APP: variants seen among roughly 807,000 people sequenced by gnomAD.
The protein encoded by APP is amyloid-beta precursor protein.
In APP, 31 loss-of-function variants were observed where a neutral mutation model predicts 101.4. The observed-to-expected ratio is 0.31, with a 90% CI of 0.23 to 0.41. The LOEUF (loss-of-function observed/expected upper bound fraction) is 0.41, where lower values mean the gene tolerates loss of function less well. Among genes scored for constraint, APP ranks in the 10% least tolerant of loss-of-function variants. APP has a pLI of 1.00. For missense variants in APP, 839 were observed against 1,003.7 expected (o/e 0.84, Z 2.22); for synonymous variants, 366 against 364.4 (o/e 1.00, Z -0.05).
rs199675506 is a variant in APP at position 25,955,780 on chromosome 21, T to C, written c.1459-25A>G. ...GCTGTGGGAGGAAAATGAAAAACTC[T>C]TTTTCAAGTTTGTGCAAAACACTGC... On this transcript the variant is annotated intron_variant, in intron 11 of 17. Coordinates refer to ENST00000346798, the MANE Select transcript of APP (RefSeq NM_000484.4). 1.3e-5 allele frequency: 21 copies of C among 1,613,934 alleles called. No individual in the cohort carries two copies. In the African/African-American group the frequency reaches 2.1e-4, roughly 16 times the overall value.
At chr21:25,885,716 C>A (rs1468204222) in intron 17 of APP, among the ~76,000 whole-genome samples, 2 of 152,166 alleles carry the variant, frequency 1.3e-5, no homozygotes, top group Admixed American at 6.5e-5. Flanking sequence ...CCCAAATAGC[C>A]TGACCAGCCT....
At chr21:26,101,077 G>C (rs936587029) in intron 2 of APP, among the ~76,000 whole-genome samples, 1 of 140,236 alleles carries the variant, frequency 7.1e-6, no homozygotes, top group Admixed American at 7.1e-5. Flanking sequence ...CCTGTTTCAA[G>C]TTATCTCTTT....
At chr21:26,038,004 A>G (rs1017214566) in intron 5 of APP, among the ~76,000 whole-genome samples, 3 of 152,194 alleles carry the variant, frequency 2.0e-5, no homozygotes, top group African/African-American at 7.2e-5. Flanking sequence ...AGATCCTAAA[A>G]AAGTATAGAA....
rs755596937 is a variant in APP, at chr21:25,911,835, C to T, written c.1815G>A (p.Glu605=). Residue 605 remains glutamate (E), a synonymous_variant, in exon 14 of 18, where the codon GAG becomes GAA. Transcript: ENST00000346798. The stretch of plus-strand genomic sequence containing the variant: ...TGAACTCTCCATTCACGGGAAGGAG[C>T]TCCACGGTGGTTTTCGTTTCGGTCA... ...PSLTETKTTV[E]LLPVNGEFSL... is the part of the protein sequence containing the mutation. 1.1e-5 allele frequency: 17 copies of T among 1,614,070 alleles called. No homozygotes were observed. The highest frequency in any genetic ancestry group is 1.6e-4 in the Middle Eastern group (1 of 6,084).
chr21:25,985,353 C>A (rs766754826), intron 8 of APP, among the ~76,000 whole-genome samples: 1 of 152,096 alleles, frequency 6.6e-6, no homozygotes. Context: ...AGATTAGCAT[C>A]GGAATTGGTG....
chr21:25,902,302 C>A (rs868262090), intron 15 of APP, among the ~76,000 whole-genome samples: 1 of 152,144 alleles, frequency 6.6e-6, no homozygotes, highest in South Asian at 2.1e-4. Flanking sequence ...AGATATAATT[C>A]GGCACATTAG....
At chr21:26,038,121 T>C (rs1436101982) in intron 5 of APP, among the ~76,000 whole-genome samples, 2 of 152,164 alleles carry the variant, frequency 1.3e-5, no homozygotes, top group East Asian at 3.9e-4. Flanking sequence ...AGCAGTTTTC[T>C]AATCATGAGA....
rs201791126 is a variant in APP, at chr21:26,089,927, C to G, written c.355+16G>C. ...AGGCCCCCAATCAACACCAGCCCCACGGCCGGCCGGCTCACCTAAGCAGCG... is the reference window on the plus strand; with the variant it reads ...AGGCCCCCAATCAACACCAGCCCCAGGGCCGGCCGGCTCACCTAAGCAGCG... On this transcript the variant is annotated intron_variant, in intron 3 of 17. Coordinates refer to ENST00000346798, the MANE Select transcript of APP (RefSeq NM_000484.4). 6.2e-7 allele frequency: 1 copy of G among 1,613,736 alleles called. No homozygotes were observed. Among genetic ancestry groups the G allele is most frequent in the East Asian group, 2.2e-5 (1 of 44,848 alleles).
At chr21:25,952,716 G>A (rs2041142983) in intron 13 of APP, among the ~76,000 whole-genome samples, 1 of 151,522 alleles carries the variant, frequency 6.6e-6, no homozygotes, top group Admixed American at 6.6e-5. Context: ...GAAGTCACAT[G>A]TGAAAACAGG....
chr21:26,087,358 C>G (rs2830048), intron 3 of APP, among the ~76,000 whole-genome samples: 65,720 of 152,072 alleles, frequency 0.43, 15,059 homozygotes, highest in African/African-American at 0.56. Context: ...TGATTCAACA[C>G]GCCAAGTACC....
intron 16 of APP, among the ~76,000 whole-genome samples, chr21:25,894,833 G>A (rs1442571929): frequency 6.6e-6 from 1 of 152,208 alleles, no homozygotes; most frequent in Non-Finnish European, 1.5e-5. Context: ...GTTCTACTGT[G>A]AGCAAAATGC....
intron 1 of APP, among the ~76,000 whole-genome samples, chr21:26,140,622 C>A (rs2063023054): frequency 6.6e-6 from 1 of 152,242 alleles, no homozygotes; most frequent in South Asian, 2.1e-4. Context: ...CAGCTAGAAT[C>A]AGGAAGCCAA....
chr21:26,166,237 T>C (rs2063604923), intron 1 of APP, among the ~76,000 whole-genome samples: 1 of 152,156 alleles, frequency 6.6e-6, no homozygotes, highest in African/African-American at 2.4e-5. Context: ...AAAAAAGAAA[T>C]ACATATTTTA....
intron 14 of APP, among the ~76,000 whole-genome samples, chr21:25,906,747 T>TA (rs2038811826): frequency 6.6e-6 from 1 of 152,218 alleles, no homozygotes; most frequent in African/African-American, 2.4e-5. Context: ...AAGGTCATTG[T>TA]ACTTTGTGAG....
At chr21:25,982,512 A>T in intron 8 of APP, 35 bp from the exon 9 acceptor site, 6 of 1,608,980 alleles carry the variant, frequency 3.7e-6, no homozygotes, top group Non-Finnish European at 5.1e-6. Context: ...TTGAGAAAAA[A>T]AAGCCAACAA....
intron 12 of APP, among the ~76,000 whole-genome samples, chr21:25,955,141 A>G (rs2041260438): frequency 1.3e-5 from 2 of 152,106 alleles, no homozygotes; most frequent in African/African-American, 4.8e-5. Flanking sequence ...CATGCTATAT[A>G]TATTTAACTC....
chr21:25,973,276 T>A (rs889178998), intron 11 of APP, among the ~76,000 whole-genome samples: 1 of 152,114 alleles, frequency 6.6e-6, no homozygotes, highest in South Asian at 2.1e-4. Flanking sequence ...TCAGTGTACA[T>A]GGTCTTCCCA....
In APP at chr21:26,053,310, T is replaced by C. The variant is rs2045911693; in HGVS notation, c.394A>G (p.Lys132Glu). ...CTCTCCTGGTGTAAGAATTTGCACT[T>C]GTCAGGAACGAGAAGGGCATCACTT... Reference protein sequence around the residue: ...FVSDALLVPDKCKFLHQERMD... With the variant: ...FVSDALLVPDECKFLHQERMD... The change falls in exon 4 of 18, where the codon AAG (lysine) becomes GAG (glutamate). Residue 132 changes from lysine to glutamate, a missense_variant. Physicochemically the swap from Lys to Glu is moderately conservative, Grantham distance 56. Transcript: ENST00000346798. The C allele has an allele frequency of 6.2e-7, 1 of 1,613,918 alleles. No individual in the cohort carries two copies. Among genetic ancestry groups the C allele is most frequent in the Non-Finnish European group, 8.5e-7 (1 of 1,179,822 alleles).
intron 3 of APP, among the ~76,000 whole-genome samples, chr21:26,058,818 A>G (rs185156726): frequency 1.5e-3 from 227 of 152,330 alleles, no homozygotes; most frequent in Non-Finnish European, 2.7e-3. Flanking sequence ...GCGGTGGCTC[A>G]CGCCTGTAAT....
Sources: allele counts gnomAD v4.1 joint callset (sites outside exome capture counted in the v4.1 genomes callset), GRCh38; gene constraint gnomAD v4.1.1; transcripts MANE v1.5; gene names NCBI Gene and HGNC (gene_info 2026-07-23, HGNC 2026-07-21).